The following FABP7 variants were observed in gnomAD, a reference collection of about 807,000 sequenced individuals.
FABP7 encodes the protein fatty acid-binding protein, brain.
In FABP7, 13 loss-of-function variants were observed where a neutral mutation model predicts 14.2. The observed-to-expected ratio is 0.91, with a 90% CI of 0.59 to 1.45. FABP7 has a LOEUF of 1.45. Among genes scored for constraint, FABP7 ranks in the 40% most tolerant of loss-of-function variants. FABP7 has a pLI of 0.00. For missense variants in FABP7, 149 were observed against 157.6 expected (o/e 0.95, Z 0.29); for synonymous variants, 49 against 51.4 (o/e 0.95, Z 0.20).
At chr6:122,773,352 C>T in the FABP7 span, among the ~76,000 whole-genome samples, 1 of 152,196 alleles carries the variant, frequency 6.6e-6, no homozygotes, top group East Asian at 1.9e-4. Context: ...CACTGCTGCG[C>T]ACTCAGTCCT....
At chr6:122,754,050 T>C in the FABP7 span, among the ~76,000 whole-genome samples, 1 of 152,110 alleles carries the variant, frequency 6.6e-6, no homozygotes, top group Admixed American at 6.5e-5. Flanking sequence ...TTCCTTTCAA[T>C]TTAGTTATAG....
the FABP7 span, among the ~76,000 whole-genome samples, chr6:122,772,727 A>G: frequency 6.6e-6 from 1 of 152,098 alleles, no homozygotes; most frequent in Admixed American, 6.6e-5. Context: ...CCAAGTCTAT[A>G]CTTTCTAAAA....
chr6:122,774,856 T>C (rs552465627), upstream of FABP7, among the ~76,000 whole-genome samples: 53 of 151,320 alleles, frequency 3.5e-4, no homozygotes, highest in African/African-American at 1.2e-3. Flanking sequence ...AGCATTTCTA[T>C]ATGCCAACAA....
chr6:122,779,943 T>C, intron 1 of FABP7, 76 bp downstream of exon 1: 2 of 1,404,014 alleles, frequency 1.4e-6, no homozygotes, highest in Non-Finnish European at 2.0e-6. Flanking sequence ...TTTTCACTCA[T>C]CAGGTCAGCA....
At chr6:122,767,910 A>C in the FABP7 span, among the ~76,000 whole-genome samples, 1 of 152,144 alleles carries the variant, frequency 6.6e-6, no homozygotes, top group South Asian at 2.1e-4. Flanking sequence ...GCAATATTAA[A>C]AATAAGAACT....
At chr6:122,770,165 T>G in the FABP7 span, among the ~76,000 whole-genome samples, 1 of 152,094 alleles carries the variant, frequency 6.6e-6, no homozygotes, top group Non-Finnish European at 1.5e-5. Flanking sequence ...AATGAACCAG[T>G]GGCTCTCTTG....
At chr6:122,776,477 G>A (rs1169437488), upstream of FABP7, among the ~76,000 whole-genome samples, 2 of 152,124 alleles carry the variant, frequency 1.3e-5, no homozygotes, top group Non-Finnish European at 2.9e-5. Context: ...TCAATCTCAT[G>A]AAAGTAGTGA....
the FABP7 span, among the ~76,000 whole-genome samples, chr6:122,752,730 C>T: frequency 0.37 from 55,787 of 152,016 alleles, 10,655 homozygotes; most frequent in Non-Finnish European, 0.43. Flanking sequence ...TAGTCTCCAG[C>T]GAAGTAAGCC....
chr6:122,772,655 C>A, the FABP7 span, among the ~76,000 whole-genome samples: 2 of 152,124 alleles, frequency 1.3e-5, no homozygotes, highest in Admixed American at 6.5e-5. Context: ...CTGAGCTCAA[C>A]TGATCTGCCC....
At chr6:122,783,214 C>T (rs1451331347) in intron 3 of FABP7, 2 of 985,332 alleles carry the variant, frequency 2.0e-6, no homozygotes, top group Non-Finnish European at 2.4e-6. Context: ...ATAGGCTAAA[C>T]CATGACAACC....
the FABP7 span, among the ~76,000 whole-genome samples, chr6:122,771,542 A>C: frequency 2.0e-5 from 3 of 152,192 alleles, no homozygotes; most frequent in African/African-American, 7.2e-5. Flanking sequence ...GATCTATAGA[A>C]AGGACAATTA....
At chr6:122,760,376 A>C in the FABP7 span, among the ~76,000 whole-genome samples, 65 of 152,226 alleles carry the variant, frequency 4.3e-4, no homozygotes, top group South Asian at 4.2e-3. Context: ...CTTCCTTATC[A>C]TTAGCATTTG....
At chr6:122,750,067 A>G in the FABP7 span, among the ~76,000 whole-genome samples, 1 of 152,348 alleles carries the variant, frequency 6.6e-6, no homozygotes, top group African/African-American at 2.4e-5. Context: ...GTATTAACAT[A>G]CACAATAAGA....
chr6:122,781,815 C>A, intron 3 of FABP7: 1 of 593,030 alleles, frequency 1.7e-6, no homozygotes, highest in Non-Finnish European at 2.1e-6. Context: ...ATTCTTGGCT[C>A]ACTGCAACCT....
At chr6:122,766,656 A>T in the FABP7 span, among the ~76,000 whole-genome samples, 1 of 152,082 alleles carries the variant, frequency 6.6e-6, no homozygotes, top group Non-Finnish European at 1.5e-5. Context: ...CTAAAAAGTG[A>T]TTTTCTATAG....
intron 3 of FABP7, 122 bp from the exon 4 acceptor site, chr6:122,783,595 C>T: frequency 7.0e-7 from 1 of 1,433,414 alleles, no homozygotes; most frequent in Non-Finnish European, 9.1e-7. Context: ...GCTTATGCAG[C>T]ATTTAATGTT....
chr6:122,749,464 G>A, the FABP7 span, among the ~76,000 whole-genome samples: 1 of 152,140 alleles, frequency 6.6e-6, no homozygotes, highest in Non-Finnish European at 1.5e-5. Context: ...CTGTTTTTAT[G>A]TGTGAATATT....
chr6:122,779,467 T>C (rs1418716541), upstream of FABP7: 2 of 271,488 alleles, frequency 7.4e-6, no homozygotes, highest in South Asian at 2.0e-4. Flanking sequence ...ATTGAATCCC[T>C]GCCGAGCTTT....
chr6:122,762,342 C>T, the FABP7 span, among the ~76,000 whole-genome samples: 1 of 152,064 alleles, frequency 6.6e-6, no homozygotes, highest in South Asian at 2.1e-4. Context: ...ATTCAACAGC[C>T]CATCATGCTA....
Sources: gnomAD v4.1 joint callset for allele counts (sites outside exome capture counted in the v4.1 genomes callset) on GRCh38, gnomAD v4.1.1 for gene constraint, MANE v1.5 for transcripts, NCBI Gene and HGNC (gene_info 2026-07-23, HGNC 2026-07-21) for gene names.